Variants in ALG9 observed in about 807,000 individuals in gnomAD.
The protein encoded by ALG9 is ALG9 alpha-1,2-mannosyltransferase, also known as alpha-1,2-mannosyltransferase ALG9.
In ALG9, 55 loss-of-function variants were observed where a neutral mutation model predicts 81.8. That is an observed-to-expected ratio of 0.67 (90% confidence interval 0.54 to 0.84). ALG9 has a LOEUF of 0.84. Among genes scored for constraint, ALG9 ranks in the 40% least tolerant of loss-of-function variants. The pLI, the probability that ALG9 is intolerant of heterozygous loss-of-function variation, is 0.00. For synonymous variants in ALG9, 278 were observed against 274.3 expected (o/e 1.01, Z -0.13); for missense variants, 629 against 745.0 (o/e 0.84, Z 1.81).
At chr11:111,773,819 A>T in the ALG9 span, among the ~76,000 whole-genome samples, 1 of 148,294 alleles carries the variant, frequency 6.7e-6, no homozygotes, top group Non-Finnish European at 1.5e-5. Flanking sequence ...CAGTAGCATG[A>T]TCACGGCTCG....
rs1555059002 is a variant in ALG9, at chr11:111,783,656, A to G, written c.*2741T>C. On this transcript the variant is annotated 3_prime_UTR_variant, in exon 15 of 15. Coordinates refer to ENST00000616540, the MANE Select transcript of ALG9 (RefSeq NM_024740.2). Reference sequence around the variant, plus strand: ...TCCCAGGCAAAGCTATCCTTCCTATACTAAAAAGTGATGGAGATTTTTTAA... The same window carrying G: ...TCCCAGGCAAAGCTATCCTTCCTATGCTAAAAAGTGATGGAGATTTTTTAA... 1 of 152,146 alleles carries G rather than the reference A, an allele frequency of 6.6e-6. No homozygotes were observed. The highest frequency in any genetic ancestry group is 1.5e-5 in the Non-Finnish European group (1 of 68,026). The allele number at this position is 152,146 out of a possible 1,614,324, so 9.4% of individuals were successfully genotyped here. A position where few individuals can be genotyped will look rare whatever the true frequency, so the allele number is the denominator to read the frequency against.
chr11:111,854,756 A>G (rs1427947883), intron 6 of ALG9, among the ~76,000 whole-genome samples: 1 of 152,134 alleles, frequency 6.6e-6, no homozygotes, highest in African/African-American at 2.4e-5. Context: ...TTCTCCTTTG[A>G]TAAGTCATAC....
chr11:111,857,977 T>C lies in ALG9; in HGVS notation c.566-240A>G, dbSNP rs1285519620. The C allele has an allele frequency of 3.9e-5, 17 of 433,940 alleles. No individual in the cohort carries two copies. In the East Asian group the frequency reaches 9.0e-4, roughly 23 times the overall value. 26.9% of individuals were successfully genotyped at this position (433,940 alleles called of 1,614,324 possible). Reference sequence around the variant, plus strand: ...TTTTTTTAGACGGAGTCTTGCTCTATCACCAGGCTGGAGTGCAGTGGTGGG... The same window carrying C: ...TTTTTTTAGACGGAGTCTTGCTCTACCACCAGGCTGGAGTGCAGTGGTGGG... On this transcript the variant is annotated intron_variant, in intron 5 of 14. Coordinates refer to ENST00000616540, the MANE Select transcript of ALG9 (RefSeq NM_024740.2).
chr11:111,793,277 C>T (rs1033719758), intron 14 of ALG9, among the ~76,000 whole-genome samples: 7 of 152,296 alleles, frequency 4.6e-5, no homozygotes, highest in Admixed American at 1.3e-4. Flanking sequence ...TCACTGCACA[C>T]GGCCTGTGAT....
chr11:111,796,833 A>G (rs1186771718), intron 14 of ALG9, among the ~76,000 whole-genome samples: 3 of 152,214 alleles, frequency 2.0e-5, no homozygotes, highest in Admixed American at 1.3e-4. Flanking sequence ...ATACAGGGAA[A>G]AAACAAAAAA....
chr11:111,790,962 A>T (rs625477), intron 14 of ALG9, among the ~76,000 whole-genome samples: 108,134 of 152,150 alleles, frequency 0.71, 39,163 homozygotes, highest in African/African-American at 0.85. Flanking sequence ...ACTTTGTACT[A>T]TACACCATGT....
downstream of ALG9, among the ~76,000 whole-genome samples, chr11:111,778,900 C>T (rs1350518646): frequency 8.6e-5 from 13 of 151,872 alleles, no homozygotes; most frequent in African/African-American, 2.7e-4. Context: ...CCGCAACCTC[C>T]GCCTCCCAGA....
chr11:111,851,849 C>G (rs1555138827), intron 8 of ALG9, among the ~76,000 whole-genome samples: 2 of 152,316 alleles, frequency 1.3e-5, no homozygotes, highest in Non-Finnish European at 1.5e-5. Flanking sequence ...AAGCTTAATA[C>G]TGGGGCCTTT....
intron 5 of ALG9, 57 bp downstream of exon 5, chr11:111,860,490 T>A (rs1395975856): frequency 2.1e-6 from 3 of 1,409,526 alleles, no homozygotes; most frequent in African/African-American, 2.8e-5. Flanking sequence ...TTCCCTCATC[T>A]GCCCTTTTAC....
intron 13 of ALG9, among the ~76,000 whole-genome samples, chr11:111,814,018 G>C (rs957486328): frequency 6.6e-6 from 1 of 152,124 alleles, no homozygotes; most frequent in Admixed American, 6.6e-5. Flanking sequence ...TAATTCATAT[G>C]GTTCAACCTA....
intron 7 of ALG9, 71 bp from the exon 8 acceptor site, chr11:111,853,556 GA>G: frequency 6.4e-7 from 1 of 1,569,126 alleles, no homozygotes; most frequent in Non-Finnish European, 8.8e-7. Flanking sequence ...ACCTGAGAAT[GA>G]AAAACAGAAT....
At chr11:111,836,142 C>G in intron 13 of ALG9, 23 bp downstream of exon 13, 1 of 1,613,418 alleles carries the variant, frequency 6.2e-7, no homozygotes. Flanking sequence ...TTCAGAGAAG[C>G]AAGAAGAGAA....
chr11:111,834,852 T>C (rs1555116062), intron 13 of ALG9, among the ~76,000 whole-genome samples: 1 of 152,198 alleles, frequency 6.6e-6, no homozygotes, highest in Non-Finnish European at 1.5e-5. Context: ...CCCAAGGGTA[T>C]TTCCATTGTA....
chr11:111,780,855 C>T (rs1945893757), downstream of ALG9, among the ~76,000 whole-genome samples: 1 of 152,152 alleles, frequency 6.6e-6, no homozygotes, highest in African/African-American at 2.4e-5. Flanking sequence ...GAATACATAG[C>T]AGTGTGATGT....
At chr11:111,870,101 T>TG (rs1963812697) in intron 2 of ALG9, 131 bp downstream of exon 2, 3 of 1,137,728 alleles carry the variant, frequency 2.6e-6, no homozygotes, top group African/African-American at 1.7e-5. Flanking sequence ...CCTGTTTTTT[T>TG]GTTTTTTTTT....
intron 13 of ALG9, among the ~76,000 whole-genome samples, chr11:111,820,711 T>C (rs190646893): frequency 6.6e-6 from 1 of 152,314 alleles, no homozygotes; most frequent in East Asian, 1.9e-4. Context: ...TCTGCAACCT[T>C]CCAGAACTTT....
chr11:111,834,595 CA>C (rs1954919716), intron 13 of ALG9, among the ~76,000 whole-genome samples: 1 of 152,172 alleles, frequency 6.6e-6, no homozygotes, highest in African/African-American at 2.4e-5. Context: ...TCAAGTTTAG[CA>C]ACAGAGCTGA....
At position 111,829,621 on chromosome 11, in the gene ALG9, T is replaced by C. The variant is rs528363428; in HGVS notation, c.1602+6544A>G. 7.9e-5 allele frequency among the ~76,000 whole-genome samples: 12 copies of C among 152,260 alleles called. No homozygotes were observed. In the South Asian group the frequency reaches 1.9e-3, roughly 24 times the overall value. ...CAAAACTACACATTCTCAAAGGAAA[T>C]AGAAGGCCTGAAACAGAGGTTGAGA... is the stretch of plus-strand genomic sequence containing the variant. On this transcript the variant is annotated intron_variant, in intron 13 of 14. Coordinates refer to ENST00000616540, the MANE Select transcript of ALG9 (RefSeq NM_024740.2).
chr11:111,807,112 T>C (rs1337071318), intron 14 of ALG9, among the ~76,000 whole-genome samples: 1 of 152,202 alleles, frequency 6.6e-6, no homozygotes, highest in Non-Finnish European at 1.5e-5. Context: ...TCTTACTTAC[T>C]ACCATTTATT....
Sources: gnomAD v4.1 joint callset for allele counts (sites outside exome capture counted in the v4.1 genomes callset) on GRCh38, gnomAD v4.1.1 for gene constraint, MANE v1.5 for transcripts, NCBI Gene and HGNC (gene_info 2026-07-23, HGNC 2026-07-21) for gene names.